TRPA1: variants seen among roughly 807,000 people sequenced by gnomAD.
TRPA1 encodes the protein transient receptor potential cation channel subfamily A member 1.
TRPA1 carries 129 observed loss-of-function variants against 131.3 expected under a neutral mutation model. That is an observed-to-expected ratio of 0.98 (90% confidence interval 0.85 to 1.14). The LOEUF is 1.14. TRPA1 is among the 50% of genes most tolerant of loss of function. TRPA1 has a pLI of 0.00. For missense variants in TRPA1, 1,304 were observed against 1,354.2 expected (o/e 0.96, Z 0.58); for synonymous variants, 441 against 451.7 (o/e 0.98, Z 0.30).
rs1012943542 is a variant in TRPA1 at position 72,055,060 on chromosome 8, G to A, written c.1529+376C>T. 12 of 218,076 alleles carry A rather than the reference G, an allele frequency of 5.5e-5. 1 individual carries two copies. The highest frequency in any genetic ancestry group is 2.2e-4 in the South Asian group (3 of 13,592). The allele number at this position is 218,076 out of a possible 1,614,324, so 13.5% of individuals were successfully genotyped here. A position where few individuals can be genotyped will look rare whatever the true frequency, so the allele number is the denominator to read the frequency against. On this transcript the variant is annotated intron_variant, in intron 12 of 26. Coordinates refer to ENST00000262209, the MANE Select transcript of TRPA1 (RefSeq NM_007332.3). ...TTGTATGTTTTGTGTGTGTGTGTAC[G>A]TGCATACACACATACACAACCACAG...
chr8:72,075,768 G>A (rs890184613), upstream of TRPA1, among the ~76,000 whole-genome samples: 9 of 152,280 alleles, frequency 5.9e-5, no homozygotes, highest in African/African-American at 7.2e-5. Flanking sequence ...GCGCACTGAC[G>A]GAGTCAAGCG....
chr8:72,036,585 G>A (rs562687369), intron 20 of TRPA1, 128 bp from the exon 21 acceptor site: 1 of 838,108 alleles, frequency 1.2e-6, no homozygotes, highest in South Asian at 1.7e-5. Context: ...TAGGACCAAG[G>A]AGTAACCTCA....
In TRPA1 at chr8:72,075,332, C is replaced by G. The variant is rs746121998; in HGVS notation, c.78G>C (p.Pro26=). Reference sequence around the variant, plus strand: ...ATTCCTTGAAATCCTCCGTGTCGTCCGGCACATCCTCATAGACAACGCCCT... The same window carrying G: ...ATTCCTTGAAATCCTCCGTGTCGTCGGGCACATCCTCATAGACAACGCCCT... ...EPQGVVYEDV[P]DDTEDFKESL... is the part of the protein sequence containing the mutation. Residue 26 remains proline (P), a synonymous_variant, in exon 1 of 27, where the codon CCG becomes CCC. Transcript: ENST00000262209. The G allele has an allele frequency of 4.3e-6, 7 of 1,613,276 alleles. No homozygotes were observed. Among genetic ancestry groups the G allele is most frequent in the Admixed American group, 3.3e-5 (2 of 59,990 alleles).
intron 26 of TRPA1, 147 bp downstream of exon 26, chr8:72,023,667 A>G: frequency 1.7e-6 from 1 of 582,518 alleles, no homozygotes; most frequent in Non-Finnish European, 3.0e-6. Context: ...AAAATGTCTC[A>G]TGACTCTCAA....
the TRPA1 span, among the ~76,000 whole-genome samples, chr8:72,084,898 C>T: frequency 6.6e-6 from 1 of 152,068 alleles, no homozygotes; most frequent in Non-Finnish European, 1.5e-5. Flanking sequence ...GATCTGCCCG[C>T]CTCAGCCTCC....
chr8:72,084,187 T>C, the TRPA1 span, among the ~76,000 whole-genome samples: 14,485 of 152,208 alleles, frequency 0.095, 1,078 homozygotes, highest in African/African-American at 0.2. Context: ...TGATGTATTT[T>C]AGGGCTCAGC....
chr8:72,039,047 C>T lies in TRPA1; in HGVS notation c.2133-20G>A, dbSNP rs1217189983. ...GCCAACCTACAAAAATATAAGCAAA[C>T]CAGAATTGAGTCATTTCAAACAAAA... On this transcript the variant is annotated intron_variant, in intron 18 of 26. Coordinates refer to ENST00000262209, the MANE Select transcript of TRPA1 (RefSeq NM_007332.3). 1.2e-6 allele frequency: 2 copies of T among 1,610,914 alleles called. No individual in the cohort carries two copies. The highest frequency in any genetic ancestry group is 4.5e-5 in the East Asian group (2 of 44,696).
intron 4 of TRPA1, among the ~76,000 whole-genome samples, chr8:72,064,799 C>T (rs1403630491): frequency 6.8e-6 from 1 of 146,600 alleles, no homozygotes; most frequent in Non-Finnish European, 1.5e-5. Context: ...GGCATTCTAA[C>T]AGCACACTCA....
chr8:72,029,275 A>G (rs538042156), intron 24 of TRPA1, among the ~76,000 whole-genome samples: 351 of 152,322 alleles, frequency 2.3e-3, no homozygotes, highest in Non-Finnish European at 3.9e-3. Flanking sequence ...CAGCGGGGCT[A>G]GGATGCCAGT....
chr8:72,049,926 A>T (rs961492891), intron 15 of TRPA1, among the ~76,000 whole-genome samples: 1 of 121,910 alleles, frequency 8.2e-6, no homozygotes, highest in Admixed American at 9.8e-5. Flanking sequence ...GAGGTGGGGC[A>T]TTTTATTTTA....
intron 3 of TRPA1, among the ~76,000 whole-genome samples, chr8:72,068,524 T>C (rs1805982172): frequency 6.6e-6 from 1 of 152,222 alleles, no homozygotes; most frequent in Non-Finnish European, 1.5e-5. Flanking sequence ...AAATAGAGAA[T>C]CATAATTATG....
At chr8:72,073,930 A>G (rs1806119018) in intron 1 of TRPA1, among the ~76,000 whole-genome samples, 1 of 152,224 alleles carries the variant, frequency 6.6e-6, no homozygotes, top group Non-Finnish European at 1.5e-5. Flanking sequence ...ACATGTCAAC[A>G]GACTCACCTT....
chr8:72,084,021 A>G, the TRPA1 span, among the ~76,000 whole-genome samples: 23 of 152,206 alleles, frequency 1.5e-4, no homozygotes, highest in Non-Finnish European at 3.4e-4. Context: ...CACAGAGATG[A>G]AAGTTGACAA....
intron 1 of TRPA1, among the ~76,000 whole-genome samples, chr8:72,075,037 A>C (rs1806141491): frequency 6.6e-6 from 1 of 152,224 alleles, no homozygotes; most frequent in South Asian, 2.1e-4. Flanking sequence ...CAGATGATAC[A>C]GATACTTTTT....
intron 17 of TRPA1, among the ~76,000 whole-genome samples, chr8:72,042,600 G>T (rs1178238281): frequency 6.6e-6 from 1 of 151,792 alleles, no homozygotes; most frequent in Non-Finnish European, 1.5e-5. Context: ...ATCTCAAAGA[G>T]ATATTTGTAT....
chr8:72,047,328 C>T (rs1805359934), intron 15 of TRPA1, 121 bp from the exon 16 acceptor site: 2 of 757,422 alleles, frequency 2.6e-6, no homozygotes, highest in Non-Finnish European at 4.6e-6. Context: ...TTTCTTGCAT[C>T]TCAAGAATAA....
chr8:72,024,948 G>A (rs1161299649), intron 25 of TRPA1, among the ~76,000 whole-genome samples: 1 of 152,164 alleles, frequency 6.6e-6, no homozygotes, highest in East Asian at 1.9e-4. Flanking sequence ...AGGAAGAACA[G>A]TCGTAGAGAT....
chr8:72,025,090 C>CTG (rs765747506), intron 25 of TRPA1, among the ~76,000 whole-genome samples: 1 of 133,954 alleles, frequency 7.5e-6, no homozygotes, highest in Non-Finnish European at 1.6e-5. Context: ...ATAGTGGATG[C>CTG]TGTGTGTGTG....
chr8:72,057,901 T>C lies in TRPA1; in HGVS notation c.994-85A>G, dbSNP rs1006719062. 1.8e-5 allele frequency: 18 copies of C among 1,002,438 alleles called. No individual in the cohort carries two copies. In the African/African-American group the frequency reaches 2.7e-4, roughly 15 times the overall value. The allele number at this position is 1,002,438 out of a possible 1,614,324, so 62.1% of individuals were successfully genotyped here. On this transcript the variant is annotated intron_variant, in intron 8 of 26. Coordinates refer to ENST00000262209, the MANE Select transcript of TRPA1 (RefSeq NM_007332.3). ...GTAATCTCTAACTAATGGTAATTCA[T>C]TGATACAGAGTGTCTATATTATGGC...
Sources: allele counts gnomAD v4.1 joint callset (sites outside exome capture counted in the v4.1 genomes callset), GRCh38; gene constraint gnomAD v4.1.1; transcripts MANE v1.5; gene names NCBI Gene and HGNC (gene_info 2026-07-23, HGNC 2026-07-21).